MTUS2: variants seen among roughly 807,000 people sequenced by gnomAD.
MTUS2 encodes the protein microtubule-associated tumor suppressor candidate 2.
In MTUS2, 40 loss-of-function variants were observed where a neutral mutation model predicts 114.1. The ratio of observed to expected loss-of-function variants is 0.35; its 90% CI spans 0.27 to 0.46. The LOEUF (loss-of-function observed/expected upper bound fraction) is 0.46, where lower values mean the gene tolerates loss of function less well. MTUS2 is among the 20% of genes least tolerant of loss of function. The pLI is 1.00. For synonymous variants in MTUS2, 688 were observed against 672.0 expected (o/e 1.02, Z -0.37); for missense variants, 1,679 against 1,705.4 (o/e 0.98, Z 0.27).
At chr13:29,155,861 T>C (rs1892837907) in intron 5 of MTUS2, among the ~76,000 whole-genome samples, 1 of 152,090 alleles carries the variant, frequency 6.6e-6, no homozygotes, top group East Asian at 1.9e-4. Context: ...TAACTTCTGC[T>C]TGTTCCTGCT....
chr13:29,274,417 TG>T (rs1397386632), intron 5 of MTUS2, among the ~76,000 whole-genome samples: 2 of 152,108 alleles, frequency 1.3e-5, no homozygotes, highest in South Asian at 2.1e-4. Flanking sequence ...GCCAACTCTA[TG>T]TTTAACACAT....
chr13:28,900,105 C>G (rs1360288759), intron 2 of MTUS2, among the ~76,000 whole-genome samples: 1 of 152,092 alleles, frequency 6.6e-6, no homozygotes, highest in East Asian at 1.9e-4. Context: ...CCAGGTTGGC[C>G]TCGAACTCCT....
chr13:29,097,106 G>A (rs1220890321), intron 4 of MTUS2, among the ~76,000 whole-genome samples: 4 of 151,626 alleles, frequency 2.6e-5, no homozygotes, highest in Non-Finnish European at 5.9e-5. Flanking sequence ...GACTCTAGGA[G>A]AGGAAACCCA....
Position 29,505,422 on chromosome 13 carries a change from T to C in MTUS2, c.*2216T>C. ...CCTAACCTGCCCTGACCTTGGGTAC[T>C]TGAGCTAATTTCCACGTGGCCCTGG... On this transcript the variant is annotated 3_prime_UTR_variant, in exon 16 of 16. Transcript: ENST00000612955. 1 of 231,398 alleles carries C rather than the reference T, an allele frequency of 4.3e-6. No individual in the cohort carries two copies. Among genetic ancestry groups the C allele is most frequent in the East Asian group, 6.1e-5 (1 of 16,334 alleles). 14.3% of individuals were successfully genotyped at this position (231,398 alleles called of 1,614,324 possible).
At chr13:29,334,964 G>C (rs575828221) in intron 7 of MTUS2, among the ~76,000 whole-genome samples, 1 of 152,260 alleles carries the variant, frequency 6.6e-6, no homozygotes, top group South Asian at 2.1e-4. Context: ...GGCGTTAACT[G>C]CACAAACTGT....
intron 5 of MTUS2, among the ~76,000 whole-genome samples, chr13:29,252,766 G>A (rs1040128424): frequency 5.3e-5 from 8 of 152,078 alleles, no homozygotes; most frequent in Admixed American, 5.2e-4. Context: ...TAAGTCTCAC[G>A]AGATCTGATG....
chr13:29,317,432 C>CTTTTTTTTTTTTTTT, intron 6 of MTUS2, among the ~76,000 whole-genome samples: 3 of 51,674 alleles, frequency 5.8e-5, no homozygotes, highest in African/African-American at 2.0e-4. Context: ...CTCTCTCTCT[C>CTTTTTTTTTTTTTTT]TTTTTTTTTT....
At chr13:29,112,723 G>A (rs1352859535) in intron 5 of MTUS2, among the ~76,000 whole-genome samples, 1 of 152,118 alleles carries the variant, frequency 6.6e-6, no homozygotes, top group African/African-American at 2.4e-5. Flanking sequence ...CAAATAGGAG[G>A]GAATGCTATT....
intron 4 of MTUS2, among the ~76,000 whole-genome samples, chr13:29,039,421 G>T (rs534092433): frequency 3.9e-5 from 6 of 152,352 alleles, no homozygotes; most frequent in Admixed American, 1.3e-4. Flanking sequence ...ATAGGGTCCC[G>T]CAAGGGCTAG....
Position 29,501,208 on chromosome 13 carries a change from G to C in MTUS2, c.3896+14G>C. 6.3e-7 allele frequency: 1 copy of C among 1,599,870 alleles called. No individual in the cohort carries two copies. Among genetic ancestry groups the C allele is most frequent in the South Asian group, 1.1e-5 (1 of 90,638 alleles). Reference sequence around the variant, plus strand: ...AGTTGTCACCAGGTAGGTGGGCTGGGTGTCACCTACAAAGTGACTTTCCTC... The same window carrying C: ...AGTTGTCACCAGGTAGGTGGGCTGGCTGTCACCTACAAAGTGACTTTCCTC... On this transcript the variant is annotated intron_variant, in intron 15 of 15. Coordinates refer to ENST00000612955, the MANE Select transcript of MTUS2 (RefSeq NM_001033602.4).
chr13:29,208,476 T>C (rs1453853208), intron 5 of MTUS2, among the ~76,000 whole-genome samples: 3 of 152,132 alleles, frequency 2.0e-5, no homozygotes, highest in South Asian at 2.1e-4. Context: ...TGCATTTGTG[T>C]TTGGTTTTTT....
chr13:29,013,847 C>G (rs531440182), intron 2 of MTUS2, among the ~76,000 whole-genome samples: 13 of 152,346 alleles, frequency 8.5e-5, no homozygotes, highest in African/African-American at 2.9e-4. Context: ...TTTCCCCACC[C>G]CTTCAATTGG....
chr13:28,980,558 G>A (rs191223146), intron 2 of MTUS2, among the ~76,000 whole-genome samples: 3 of 152,248 alleles, frequency 2.0e-5, no homozygotes, highest in South Asian at 2.1e-4. Context: ...ATCCTAGAGC[G>A]GTTTCCATTA....
chr13:29,440,029 CA>C lies in MTUS2; in HGVS notation c.3167del (p.Asn1056ThrfsTer31). 1 of 1,588,036 alleles carries C rather than the reference CA, an allele frequency of 6.3e-7. No individual in the cohort carries two copies. The highest frequency in any genetic ancestry group is 8.6e-7 in the Non-Finnish European group (1 of 1,165,426). ...VKEKELSIEL[A>X]NIRDEVAFHT... is the part of the protein sequence containing the mutation. ...GAAAAAGAGCTGTCAATCGAACTTG[CA>C]AACATCAGGGATGAAGTTGGTAAGT... On this transcript the variant is annotated frameshift_variant, in exon 9 of 16. Coordinates refer to ENST00000612955, the MANE Select transcript of MTUS2 (RefSeq NM_001033602.4). LOFTEE classifies it high-confidence loss of function.
chr13:29,341,443 A>G (rs1593324478), intron 7 of MTUS2, among the ~76,000 whole-genome samples: 1 of 151,840 alleles, frequency 6.6e-6, no homozygotes, highest in African/African-American at 2.4e-5. Flanking sequence ...GGCAATTTGT[A>G]TAATTGAGAA....
At chr13:29,269,711 A>G (rs1897804496) in intron 5 of MTUS2, among the ~76,000 whole-genome samples, 2 of 152,216 alleles carry the variant, frequency 1.3e-5, no homozygotes, top group South Asian at 2.1e-4. Context: ...ACTTCTGGGT[A>G]TATACTCAAA....
At chr13:28,997,331 G>T (rs1354529175) in intron 2 of MTUS2, among the ~76,000 whole-genome samples, 2 of 151,654 alleles carry the variant, frequency 1.3e-5, no homozygotes, top group East Asian at 3.9e-4. Context: ...GGACAATTTT[G>T]GGATAGGTGT....
rs9551546 is a variant in MTUS2, at chr13:28,844,134, G to A, written c.-243+4284G>A. 3.5e-4 allele frequency among the ~76,000 whole-genome samples: 54 copies of A among 152,276 alleles called. 1 individual carries two copies. The East Asian group carries it at 6.7e-3, about 19-fold the overall frequency. On this transcript the variant is annotated intron_variant, in intron 2 of 15. Transcript: ENST00000612955. ...CAATGTGGATTTCTGCCCTCTCCTT[G>A]TAGAAGCACTGAGAACCTGAGCTCA...
chr13:29,047,436 A>G (rs1341615787), intron 4 of MTUS2, among the ~76,000 whole-genome samples: 1 of 152,130 alleles, frequency 6.6e-6, no homozygotes, highest in Non-Finnish European at 1.5e-5. Flanking sequence ...CCCCATGTCT[A>G]AATTGGCCTA....
Sources: allele counts gnomAD v4.1 joint callset (sites outside exome capture counted in the v4.1 genomes callset), GRCh38; gene constraint gnomAD v4.1.1; transcripts MANE v1.5; gene names NCBI Gene and HGNC (gene_info 2026-07-23, HGNC 2026-07-21).